RORA: variants seen among roughly 807,000 people sequenced by gnomAD.
RORA encodes nuclear receptor ROR-alpha.
A neutral mutation model predicts 69.5 loss-of-function variants in RORA; 7 were observed. The ratio of observed to expected loss-of-function variants is 0.10; its 90% CI spans 0.06 to 0.19. RORA has a LOEUF of 0.19. Ranked by LOEUF, RORA falls within the 10% of genes least tolerant of loss-of-function variation. RORA has a pLI of 1.00. For synonymous variants in RORA, 261 were observed against 240.8 expected (o/e 1.08, Z -0.78); for missense variants, 457 against 663.0 (o/e 0.69, Z 3.41).
At chr15:60,813,988 A>T (rs1007793315) in intron 1 of RORA, among the ~76,000 whole-genome samples, 2 of 152,230 alleles carry the variant, frequency 1.3e-5, no homozygotes, top group Non-Finnish European at 2.9e-5. Flanking sequence ...CTTGAATAAC[A>T]TATAATCTAT....
chr15:61,208,463 C>G (rs571030986), intron 1 of RORA, among the ~76,000 whole-genome samples: 7 of 152,214 alleles, frequency 4.6e-5, no homozygotes, highest in Non-Finnish European at 1.0e-4. Flanking sequence ...AAATGTTGAA[C>G]TAGACTGTGG....
chr15:60,724,579 T>A (rs1306017560), intron 1 of RORA, among the ~76,000 whole-genome samples: 1 of 152,184 alleles, frequency 6.6e-6, no homozygotes, highest in African/African-American at 2.4e-5. Flanking sequence ...ACTTTAGGAC[T>A]CCGATGCTGT....
intron 1 of RORA, among the ~76,000 whole-genome samples, chr15:61,067,221 C>T (rs1019024116): frequency 6.6e-6 from 1 of 151,672 alleles, no homozygotes. Context: ...AAGCGATTCT[C>T]CTGCCTCAGC....
chr15:61,091,131 T>C (rs2078700377), intron 1 of RORA, among the ~76,000 whole-genome samples: 2 of 152,204 alleles, frequency 1.3e-5, no homozygotes, highest in Non-Finnish European at 2.9e-5. Context: ...TAATACTTTT[T>C]GTATCCGAGC....
At chr15:60,660,757 A>G (rs2070291569) in intron 2 of RORA, among the ~76,000 whole-genome samples, 2 of 152,190 alleles carry the variant, frequency 1.3e-5, no homozygotes, top group African/African-American at 4.8e-5. Flanking sequence ...CTGAAAGAAA[A>G]AAAAAACTAT....
chr15:60,631,015 G>T (rs914664835), intron 2 of RORA, among the ~76,000 whole-genome samples: 9 of 149,454 alleles, frequency 6.0e-5, no homozygotes, highest in African/African-American at 2.2e-4. Flanking sequence ...TCAGCCTCCC[G>T]AGTAGCTGGG....
At chr15:60,985,871 C>A (rs865834312) in intron 1 of RORA, among the ~76,000 whole-genome samples, 4 of 152,076 alleles carry the variant, frequency 2.6e-5, no homozygotes, top group Non-Finnish European at 4.4e-5. Flanking sequence ...TGAGCCAACG[C>A]GCCCAGCCGA....
At chr15:60,958,419 G>C (rs184450010) in intron 1 of RORA, among the ~76,000 whole-genome samples, 3 of 152,100 alleles carry the variant, frequency 2.0e-5, no homozygotes, top group Admixed American at 2.0e-4. Context: ...GCCTTGCCTA[G>C]AGGTGGAGAG....
intron 1 of RORA, among the ~76,000 whole-genome samples, chr15:60,942,494 T>A (rs1343141185): frequency 1.3e-5 from 2 of 152,198 alleles, no homozygotes; most frequent in South Asian, 4.1e-4. Flanking sequence ...GATGAAAAGG[T>A]GTATGCTTAG....
intron 1 of RORA, among the ~76,000 whole-genome samples, chr15:61,099,154 C>G (rs2078841653): frequency 6.6e-6 from 1 of 152,182 alleles, no homozygotes; most frequent in South Asian, 2.1e-4. Flanking sequence ...AAGAATCACT[C>G]TAAAAACCTC....
At chr15:60,806,000 G>T (rs947059533) in intron 1 of RORA, among the ~76,000 whole-genome samples, 2 of 152,222 alleles carry the variant, frequency 1.3e-5, no homozygotes, top group African/African-American at 4.8e-5. Flanking sequence ...GTAGGGGGTA[G>T]ATTGGGCAGG....
intron 1 of RORA, among the ~76,000 whole-genome samples, chr15:60,930,536 A>C (rs1892344253): frequency 6.6e-6 from 1 of 152,216 alleles, no homozygotes; most frequent in East Asian, 1.9e-4. Context: ...ATAGATGCAA[A>C]GTGCCAGGAG....
intron 1 of RORA, among the ~76,000 whole-genome samples, chr15:60,942,349 C>T (rs892541174): frequency 1.1e-4 from 17 of 152,200 alleles, no homozygotes; most frequent in Non-Finnish European, 1.0e-4. Flanking sequence ...CAAATCAGTG[C>T]TCTTCCCCCT....
At chr15:61,218,671 A>AAC (rs1289661510) in intron 1 of RORA, among the ~76,000 whole-genome samples, 14 of 35,180 alleles carry the variant, frequency 4.0e-4, no homozygotes, top group Middle Eastern at 0.01. Context: ...TTACTAATAT[A>AAC]ACTCACACAC....
intron 1 of RORA, among the ~76,000 whole-genome samples, chr15:60,740,856 G>C (rs1197277168): frequency 6.6e-6 from 1 of 152,144 alleles, no homozygotes; most frequent in African/African-American, 2.4e-5. Context: ...GCAGAATCCT[G>C]TTGCTACCAA....
At chr15:61,132,123 T>C (rs568204386) in intron 1 of RORA, among the ~76,000 whole-genome samples, 5 of 152,354 alleles carry the variant, frequency 3.3e-5, no homozygotes, top group South Asian at 2.1e-4. Context: ...CTATTCCTGG[T>C]ATAAAATGGA....
intron 1 of RORA, among the ~76,000 whole-genome samples, chr15:60,932,406 T>C (rs895040546): frequency 2.0e-5 from 3 of 152,200 alleles, no homozygotes; most frequent in Non-Finnish European, 2.9e-5. Context: ...TGCTTACTCA[T>C]AGTAGCTCAT....
intron 1 of RORA, among the ~76,000 whole-genome samples, chr15:60,770,237 A>T (rs1298681761): frequency 6.6e-6 from 1 of 152,144 alleles, no homozygotes; most frequent in Non-Finnish European, 1.5e-5. Flanking sequence ...TGGAGAAAAG[A>T]GATTTTAATG....
chr15:61,059,677 T>C (rs1429249592), intron 1 of RORA, among the ~76,000 whole-genome samples: 6 of 152,092 alleles, frequency 3.9e-5, no homozygotes, highest in African/African-American at 1.4e-4. Flanking sequence ...AAAAGATTCT[T>C]CTTCTCAATT....
Sources: gnomAD v4.1 joint callset for allele counts (sites outside exome capture counted in the v4.1 genomes callset) on GRCh38, gnomAD v4.1.1 for gene constraint, MANE v1.5 for transcripts, NCBI Gene and HGNC (gene_info 2026-07-23, HGNC 2026-07-21) for gene names.